Variants in ANK1 observed in about 807,000 individuals in gnomAD.
ANK1 encodes the protein ankyrin-1.
Under a neutral mutation model 210.4 loss-of-function variants are expected in ANK1, and 51 were observed. The observed-to-expected ratio is 0.24, with a 90% CI of 0.19 to 0.31. The LOEUF is 0.31. Among genes scored for constraint, ANK1 ranks in the 10% least tolerant of loss-of-function variants. ANK1 has a pLI of 1.00. For missense variants in ANK1, 2,051 were observed against 2,504.4 expected (o/e 0.82, Z 3.86); for synonymous variants, 967 against 1,025.9 (o/e 0.94, Z 1.10).
chr8:41,729,478 A>G (rs943970060), intron 3 of ANK1, among the ~76,000 whole-genome samples: 2 of 151,850 alleles, frequency 1.3e-5, no homozygotes, highest in East Asian at 1.9e-4. Flanking sequence ...GCAGCCTCCA[A>G]CTCCTGGGCT....
intron 8 of ANK1, 133 bp from the exon 9 acceptor site, chr8:41,723,356 GCA>G (rs1379280133): frequency 5.5e-5 from 65 of 1,182,996 alleles, no homozygotes; most frequent in Middle Eastern, 4.1e-4. Flanking sequence ...CTCGACCTCA[GCA>G]CAGTTTTACT....
At chr8:41,706,348 T>G in intron 17 of ANK1, 107 bp from the exon 18 acceptor site, 1 of 990,326 alleles carries the variant, frequency 1.0e-6, no homozygotes, top group Non-Finnish European at 1.5e-6. Flanking sequence ...AGTCACCAAC[T>G]AGTTATTTGG....
upstream of ANK1, among the ~76,000 whole-genome samples, chr8:41,801,495 T>G (rs567324502): frequency 6.6e-6 from 1 of 152,366 alleles, no homozygotes; most frequent in South Asian, 2.1e-4. Context: ...AGCAGGGTTA[T>G]GTGGTTGCCC....
chr8:41,716,914 C>G (rs61073092), intron 13 of ANK1, 39 bp downstream of exon 13: 184 of 1,594,052 alleles, frequency 1.2e-4, no homozygotes, highest in Non-Finnish European at 1.5e-4. Flanking sequence ...TGGAACTGCT[C>G]ACATCTGAAA....
At chr8:41,826,017 T>A (rs1027482821) in intron 1 of ANK1, among the ~76,000 whole-genome samples, 6 of 152,194 alleles carry the variant, frequency 3.9e-5, no homozygotes, top group South Asian at 2.1e-4. Flanking sequence ...TAATACACCC[T>A]TGGTCCTGCC....
chr8:41,723,653 C>T lies in ANK1; in HGVS notation c.712-20G>A, dbSNP rs1298245479. The T allele has an allele frequency of 1.4e-5, 22 of 1,608,226 alleles. No individual in the cohort carries two copies. Among genetic ancestry groups the T allele is most frequent in the Middle Eastern group, 1.7e-4 (1 of 6,042 alleles). On this transcript the variant is annotated intron_variant, in intron 7 of 42. Coordinates refer to ENST00000289734, the MANE Select transcript of ANK1 (RefSeq NM_000037.4). ...GCCGTTCTGAAGGGAGGAAGCAGGA[C>T]GGTCAGGGCGCGTCATCCTTCCCTG...
chr8:41,884,577 G>A (rs746993255), intron 1 of ANK1, among the ~76,000 whole-genome samples: 1 of 152,002 alleles, frequency 6.6e-6, no homozygotes. Flanking sequence ...GCTCGCATCT[G>A]TAATCCCAGA....
chr8:41,802,995 G>GGGAA (rs1850175944), intron 1 of ANK1, among the ~76,000 whole-genome samples: 1 of 57,492 alleles, frequency 1.7e-5, no homozygotes, highest in Non-Finnish European at 3.3e-5. Context: ...GAGAGAAAGA[G>GGGAA]AGAAAGAAAG....
chr8:41,725,629 G>T, intron 6 of ANK1, 132 bp downstream of exon 6: 1 of 1,261,354 alleles, frequency 7.9e-7, no homozygotes, highest in Non-Finnish European at 1.1e-6. Flanking sequence ...GTCCTGGGGT[G>T]AGGGCGCTCA....
At chr8:41,686,700 G>A (rs1334043749) in intron 35 of ANK1, among the ~76,000 whole-genome samples, 1 of 152,112 alleles carries the variant, frequency 6.6e-6, no homozygotes, top group South Asian at 2.1e-4. Context: ...CCTGGGCCAC[G>A]CCATGCCCTA....
chr8:41,875,731 G>T (rs1171182824), intron 1 of ANK1, among the ~76,000 whole-genome samples: 1 of 152,204 alleles, frequency 6.6e-6, no homozygotes, highest in Non-Finnish European at 1.5e-5. Flanking sequence ...CTTTGCAGGG[G>T]GAGGACAAAC....
In ANK1 at chr8:41,725,889, G is replaced by A; in HGVS notation, c.484C>T (p.His162Tyr). 1 of 1,613,548 alleles carries A rather than the reference G, an allele frequency of 6.2e-7. No individual in the cohort carries two copies. Among genetic ancestry groups the A allele is most frequent in the Non-Finnish European group, 8.5e-7 (1 of 1,179,920 alleles). Residue 162 changes from histidine to tyrosine, a missense_variant, in exon 6 of 43, where the codon CAC (histidine) becomes TAC (tyrosine). His to Tyr is a moderately conservative substitution (Grantham distance 83). This residue lies in a region of ANK1 where 1,413 missense variants were observed against 1,707.4 expected (regional missense o/e 0.83). Transcript: ENST00000289734. Reference sequence around the variant, plus strand: ...CCCTTGGTGCCGTAGTTGATGAGGTGCGCGACGACGTTCTCATGGCCCTGC... The same window carrying A: ...CCCTTGGTGCCGTAGTTGATGAGGTACGCGACGACGTTCTCATGGCCCTGC... ...LQQGHENVVA[H>Y]LINYGTKGKV...
chr8:41,864,055 C>A (rs1813810273), intron 1 of ANK1, among the ~76,000 whole-genome samples: 1 of 152,072 alleles, frequency 6.6e-6, no homozygotes. Context: ...TCCAGAGCAT[C>A]CTGGCTAGCA....
intron 1 of ANK1, among the ~76,000 whole-genome samples, chr8:41,873,950 T>G (rs1365775498): frequency 6.6e-6 from 1 of 151,792 alleles, no homozygotes; most frequent in East Asian, 1.9e-4. Context: ...ACCAACACCC[T>G]CCCCCTACAC....
chr8:41,894,351 G>A (rs562928655), intron 1 of ANK1, among the ~76,000 whole-genome samples: 2 of 151,898 alleles, frequency 1.3e-5, no homozygotes, highest in Non-Finnish European at 2.9e-5. Flanking sequence ...ACACCATTTG[G>A]GGGGAGGAAT....
intron 3 of ANK1, among the ~76,000 whole-genome samples, chr8:41,729,349 C>T (rs1011092637): frequency 6.6e-6 from 1 of 152,156 alleles, no homozygotes; most frequent in Non-Finnish European, 1.5e-5. Context: ...ATAGCAGAGA[C>T]TGAGAAATAA....
chr8:41,673,986 C>T lies in ANK1; in HGVS notation c.4538-1074G>A, dbSNP rs189132290. 4.6e-5 allele frequency among the ~76,000 whole-genome samples: 7 copies of T among 152,270 alleles called. No homozygotes were observed. In the East Asian group the frequency reaches 1.4e-3, roughly 29 times the overall value. On this transcript the variant is annotated intron_variant, in intron 37 of 42. Transcript: ENST00000289734. ...CTGCCATCGAGAGATGTCCAGACAC[C>T]CCCAGCCTAGAGTTCAAACCTAGTT...
chr8:41,834,361 T>C (rs1206121030), intron 1 of ANK1, among the ~76,000 whole-genome samples: 1 of 152,206 alleles, frequency 6.6e-6, no homozygotes, highest in East Asian at 1.9e-4. Context: ...GAGCTTCAGG[T>C]TCCCAACACC....
At chr8:41,880,437 T>C (rs980745599) in intron 1 of ANK1, among the ~76,000 whole-genome samples, 3 of 152,214 alleles carry the variant, frequency 2.0e-5, no homozygotes, top group African/African-American at 7.2e-5. Flanking sequence ...GAGTGATTTT[T>C]TTCTTCTGGA....
Sources: allele counts gnomAD v4.1 joint callset (sites outside exome capture counted in the v4.1 genomes callset), GRCh38; gene constraint gnomAD v4.1.1; regional missense constraint gnomAD v4.1.1; transcripts MANE v1.5; gene names NCBI Gene and HGNC (gene_info 2026-07-23, HGNC 2026-07-21).